The following GOT1L1 variants were observed in gnomAD, a reference collection of about 807,000 sequenced individuals.
GOT1L1 encodes aspartate aminotransferase, cytoplasmic 2.
Under a neutral mutation model 43.6 loss-of-function variants are expected in GOT1L1, and 38 were observed. The observed-to-expected ratio is 0.87, with a 90% CI of 0.67 to 1.14. The LOEUF (loss-of-function observed/expected upper bound fraction) is 1.14, where lower values mean the gene tolerates loss of function less well. Among genes scored for constraint, GOT1L1 ranks in the 50% most tolerant of loss-of-function variants. The probability of loss-of-function intolerance (pLI) is 0.00; values close to 1 mark genes in which losing one functional copy is unlikely to be tolerated. For synonymous variants in GOT1L1, 183 were observed against 187.2 expected (o/e 0.98, Z 0.18); for missense variants, 482 against 504.0 (o/e 0.96, Z 0.42).
intron 6 of GOT1L1, 45 bp downstream of exon 6, chr8:37,936,675 C>T (rs1208507995): frequency 1.3e-6 from 2 of 1,555,990 alleles, no homozygotes; most frequent in African/African-American, 2.7e-5. Context: ...GTGAGCGCAG[C>T]ACCACTTCAG....
chr8:37,937,122 G>T, intron 4 of GOT1L1, 65 bp from the exon 5 acceptor site: 1 of 1,480,828 alleles, frequency 6.8e-7, no homozygotes, highest in Non-Finnish European at 9.4e-7. Context: ...CAGGGCATTT[G>T]GGGGTGAAGT....
At chr8:37,939,127 A>T in intron 1 of GOT1L1, 1 of 391,672 alleles carries the variant, frequency 2.6e-6, no homozygotes, top group Non-Finnish European at 4.9e-6. Context: ...GTTAAAAATT[A>T]TACAAGCCCA....
In GOT1L1 at chr8:37,936,744, G is replaced by C. The variant is rs758752381; in HGVS notation, c.739C>G (p.Leu247Val). Residue 247 changes from leucine (L) to valine (V), a missense_variant, in exon 6 of 9, where the codon CTG becomes GTG. Coordinates refer to ENST00000307599, the MANE Select transcript of GOT1L1 (RefSeq NM_152413.3). ...CCATAAATGCCAAAATTCTTGGACA[G>C]AGACTGGCTGCAGAAGAACTCAAAG... is the stretch of plus-strand genomic sequence containing the variant. The part of the protein sequence containing the change: ...QGFEFFCSQS[L>V]SKNFGIYDEG... The C allele has an allele frequency of 6.2e-7, 1 of 1,612,598 alleles. No homozygotes were observed.
In GOT1L1 at chr8:37,936,968, T is replaced by TA; in HGVS notation, c.608dup (p.Ser205GlufsTer9). On this transcript the variant is annotated frameshift_variant, in exon 5 of 9. Transcript: ENST00000307599. LOFTEE classifies it high-confidence loss of function. The stretch of plus-strand genomic sequence containing the variant: ...TCGGGTGGGAGATTGGGTTTACCTT[T>TA]ATCATGGACATCAACTTTGCCCACC... 6.2e-7 allele frequency: 1 copy of TA among 1,613,778 alleles called. No individual in the cohort carries two copies. The highest frequency in any genetic ancestry group is 8.5e-7 in the Non-Finnish European group (1 of 1,179,692).
In GOT1L1 at chr8:37,935,084, A is replaced by T. The variant is rs1372224453; in HGVS notation, c.1061T>A (p.Leu354His). The T allele has an allele frequency of 6.2e-7, 1 of 1,613,840 alleles. No homozygotes were observed. Among genetic ancestry groups the T allele is most frequent in the Admixed American group, 1.7e-5 (1 of 60,012 alleles). Residue 354 changes from leucine to histidine, a missense_variant, in exon 8 of 9, where the codon CTT (leucine) becomes CAT (histidine). Leu to His is a moderately conservative substitution (Grantham distance 99). Transcript: ENST00000307599. ...ITEQSGTHGY[L>H]GLNSQQVEYL... ...CCCTAGACCCTTACAGTTGAGTCCA[A>T]GATAGCCGTGGGTCCCACTCTGCTC...
intron 1 of GOT1L1, among the ~76,000 whole-genome samples, chr8:37,939,431 A>AATATAT (rs1188997870): frequency 0.015 from 617 of 41,218 alleles, 11 homozygotes; most frequent in Middle Eastern, 0.018. Context: ...AAAAAAAAAA[A>AATATAT]ATATATATAT....
Position 37,934,441 on chromosome 8 carries a change from G to A in GOT1L1, c.1118C>T (p.Pro373Leu), listed in dbSNP as rs768043446. ...GCTGAAGTTAATCTGACCGTTCTTGGGGATATAGATGTGCTTCTTCCTGAC... is the reference window on the plus strand; with the variant it reads ...GCTGAAGTTAATCTGACCGTTCTTGAGGATATAGATGTGCTTCTTCCTGAC... Reference protein sequence around the residue: ...YLVRKKHIYIPKNGQINFSCI... With the variant: ...YLVRKKHIYILKNGQINFSCI... Residue 373 changes from proline (P) to leucine (L), a missense_variant, in exon 9 of 9, where the codon CCC becomes CTC. Physicochemically the swap from Pro to Leu is moderately conservative, Grantham distance 98 (BLOSUM62 -3). Transcript: ENST00000307599. The A allele has an allele frequency of 6.2e-7, 1 of 1,613,888 alleles. No individual in the cohort carries two copies.
intron 1 of GOT1L1, 102 bp from the exon 2 acceptor site, chr8:37,938,983 G>C: frequency 9.7e-7 from 1 of 1,026,634 alleles, no homozygotes; most frequent in Non-Finnish European, 1.5e-6. Flanking sequence ...GACTCCATGG[G>C]GCTGTGGGAA....
chr8:37,937,593 C>T, intron 3 of GOT1L1, 45 bp downstream of exon 3: 1 of 1,362,534 alleles, frequency 7.3e-7, no homozygotes, highest in Non-Finnish European at 1.0e-6. Flanking sequence ...GGATTAGGAA[C>T]AAGGGACGGG....
At chr8:37,935,449 A>G (rs1393303735) in intron 7 of GOT1L1, among the ~76,000 whole-genome samples, 2 of 152,172 alleles carry the variant, frequency 1.3e-5, no homozygotes, top group African/African-American at 4.8e-5. Flanking sequence ...TATCTCCCCA[A>G]GCAATCTGGA....
intron 2 of GOT1L1, among the ~76,000 whole-genome samples, chr8:37,938,066 T>TA: frequency 6.8e-6 from 1 of 147,772 alleles, no homozygotes; most frequent in Admixed American, 6.7e-5. Context: ...AAATAAACAT[T>TA]AAAAAATAAA....
chr8:37,938,928 C>T (rs1370863227), intron 1 of GOT1L1, 47 bp from the exon 2 acceptor site: 1 of 1,584,634 alleles, frequency 6.3e-7, no homozygotes. Context: ...GGTTTGGGCC[C>T]CCAGGGCTGA....
Position 37,940,052 on chromosome 8 carries a change from A to C in GOT1L1, c.-23T>G, listed in dbSNP as rs1469611274. 1.9e-6 allele frequency: 3 copies of C among 1,605,538 alleles called. No homozygotes were observed. Among genetic ancestry groups the C allele is most frequent in the South Asian group, 2.2e-5 (2 of 89,714 alleles). ...CATAACTGAAACGAAACTGGAGCCA[A>C]GACTATGTGTCTCTGCTCCTGTGTT... is the stretch of plus-strand genomic sequence containing the variant. On this transcript the variant is annotated 5_prime_UTR_variant, in exon 1 of 9. Transcript: ENST00000307599.
At chr8:37,937,186 G>A in intron 4 of GOT1L1, 91 bp downstream of exon 4, 2 of 1,210,618 alleles carry the variant, frequency 1.7e-6, no homozygotes, top group South Asian at 2.7e-5. Context: ...ACCTGGAAAA[G>A]GTCTTGGATG....
chr8:37,938,656 ACT>A, intron 2 of GOT1L1, 42 bp downstream of exon 2: 5 of 1,507,960 alleles, frequency 3.3e-6, no homozygotes, highest in Non-Finnish European at 4.5e-6. Flanking sequence ...CCAGATCGCC[ACT>A]CTCTGTGTCT....
intron 5 of GOT1L1, 40 bp downstream of exon 5, chr8:37,936,925 G>T (rs1166802286): frequency 6.2e-7 from 1 of 1,610,566 alleles, no homozygotes; most frequent in South Asian, 1.1e-5. Context: ...AGAGAGCAGA[G>T]AGTCAAAGAC....
At chr8:37,939,428 AAAAATAT>A (rs1474628694) in intron 1 of GOT1L1, among the ~76,000 whole-genome samples, 4 of 55,258 alleles carry the variant, frequency 7.2e-5, no homozygotes, top group African/African-American at 3.4e-4. Context: ...AAAAAAAAAA[AAAAATAT>A]ATATATATAT....
At position 37,937,303 on chromosome 8, in the gene GOT1L1, G is replaced by C. The variant is rs1424722865; in HGVS notation, c.493C>G (p.Pro165Ala). Residue 165 changes from proline to alanine, a missense_variant, in exon 4 of 9, where the codon CCC becomes GCC. Pro to Ala is a conservative substitution (Grantham distance 27). Transcript: ENST00000307599. ...TCCACCACATTGAGGAGTATGTCGG[G>C]GTCCATGCATAGCTTCTTGGGGTCC... The part of the protein sequence containing the change: ...VWDPKKLCMD[P>A]DILLNVVEQI... 2 of 1,607,544 alleles carry C rather than the reference G, an allele frequency of 1.2e-6. No individual in the cohort carries two copies. Among genetic ancestry groups the C allele is most frequent in the East Asian group, 4.5e-5 (2 of 44,846 alleles).
Position 37,935,685 on chromosome 8 carries a change from C to T in GOT1L1, c.929+19G>A, listed in dbSNP as rs1320864471. On this transcript the variant is annotated intron_variant, in intron 7 of 8. Transcript: ENST00000307599. ...CCAGGGCCTCTCCCATCCCTTCCTGCTCCAGCCCTCACCCTTACCATTCTC... is the reference window on the plus strand; with the variant it reads ...CCAGGGCCTCTCCCATCCCTTCCTGTTCCAGCCCTCACCCTTACCATTCTC... 2.6e-6 allele frequency: 4 copies of T among 1,553,284 alleles called. No homozygotes were observed. Among genetic ancestry groups the T allele is most frequent in the East Asian group, 4.7e-5 (2 of 42,622 alleles).
Sources: gnomAD v4.1 joint callset for allele counts (sites outside exome capture counted in the v4.1 genomes callset) on GRCh38, gnomAD v4.1.1 for gene constraint, MANE v1.5 for transcripts, NCBI Gene and HGNC (gene_info 2026-07-23, HGNC 2026-07-21) for gene names.